Variants in MB21D2 observed in about 807,000 individuals in gnomAD.
MB21D2 encodes nucleotidyltransferase MB21D2.
Under a neutral mutation model 33.3 loss-of-function variants are expected in MB21D2, and 9 were observed. The observed-to-expected ratio is 0.27, with a 90% confidence interval of 0.16 to 0.47. The LOEUF (loss-of-function observed/expected upper bound fraction) is 0.47. Among genes scored for constraint, MB21D2 ranks in the 20% least tolerant of loss-of-function variants. The pLI, the probability that MB21D2 is intolerant of heterozygous loss-of-function variation, is 0.99. For synonymous variants in MB21D2, 241 were observed against 236.3 expected, an observed-to-expected ratio of 1.02 and a Z score of -0.18; for missense variants, 540 against 624.6, an observed-to-expected ratio of 0.86 and a Z score of 1.44.
At chr3:192,859,701 A>G (rs1346059766) in intron 1 of MB21D2, among the ~76,000 whole-genome samples, 2 of 152,238 alleles carry the variant, frequency 1.3e-5, no homozygotes, top group Non-Finnish European at 2.9e-5. Context: ...ACAAATGAAT[A>G]AAAGCAGAAA....
rs1720584650 is a variant in MB21D2, at chr3:192,798,943, T to G, written c.919A>C (p.Met307Leu). ...GCTTTGCAGGCCTGATAGGCCTGCA[T>G]GAGGCTGCTGGAGATGCACTTCTTC... ...QLKKCISSSL[M>L]QAYQACKAII... The change falls in exon 2 of 2, where the codon ATG becomes CTG. Residue 307 changes from methionine (M) to leucine (L), a missense_variant. Met to Leu is a conservative substitution (Grantham distance 15). Coordinates refer to ENST00000392452, the MANE Select transcript of MB21D2 (RefSeq NM_178496.4). The surrounding 1 kb of genome is among the most constrained non-coding windows in gnomAD (Gnocchi z 4.8). 1 of 1,613,998 alleles carries G rather than the reference T, an allele frequency of 6.2e-7. No homozygotes were observed. Among genetic ancestry groups the G allele is most frequent in the Non-Finnish European group, 8.5e-7 (1 of 1,179,944 alleles).
At chr3:192,827,214 G>A (rs1030566591) in intron 1 of MB21D2, among the ~76,000 whole-genome samples, 2 of 152,108 alleles carry the variant, frequency 1.3e-5, no homozygotes, top group African/African-American at 4.8e-5. Flanking sequence ...TTCTTAAAGG[G>A]CAAAAAGTAT....
At chr3:192,819,980 A>G (rs1372880076) in intron 1 of MB21D2, among the ~76,000 whole-genome samples, 1 of 152,182 alleles carries the variant, frequency 6.6e-6, no homozygotes, top group Non-Finnish European at 1.5e-5. Context: ...ACAAGGGGGT[A>G]GGGGAATCAG....
intron 1 of MB21D2, among the ~76,000 whole-genome samples, chr3:192,874,908 C>G (rs1713394915): frequency 6.6e-6 from 1 of 152,154 alleles, no homozygotes; most frequent in African/African-American, 2.4e-5. Flanking sequence ...AAATCTCCCC[C>G]TCCCCTGGCT....
intron 1 of MB21D2, among the ~76,000 whole-genome samples, chr3:192,911,635 G>GCC (rs1714356497): frequency 6.6e-6 from 1 of 151,888 alleles, no homozygotes; most frequent in Non-Finnish European, 1.5e-5. Context: ...TTAAAAAGGG[G>GCC]CTCAGCCTAA....
chr3:192,877,717 A>G (rs1389178178), intron 1 of MB21D2, among the ~76,000 whole-genome samples: 1 of 152,164 alleles, frequency 6.6e-6, no homozygotes, highest in South Asian at 2.1e-4. Flanking sequence ...CTCCTATCCA[A>G]CGTGTCTTTA....
chr3:192,844,567 G>A (rs1712641776), intron 1 of MB21D2, among the ~76,000 whole-genome samples: 1 of 152,310 alleles, frequency 6.6e-6, no homozygotes, highest in African/African-American at 2.4e-5. Context: ...CCACTTCTGT[G>A]TACAAGCACA....
At chr3:192,834,420 T>C in intron 1 of MB21D2, among the ~76,000 whole-genome samples, 1 of 72,468 alleles carries the variant, frequency 1.4e-5, no homozygotes, top group Admixed American at 1.2e-4. Context: ...CCCAGTTATA[T>C]CAAAAAAAAA....
intron 1 of MB21D2, among the ~76,000 whole-genome samples, chr3:192,825,323 G>T (rs953992320): frequency 2.6e-5 from 4 of 152,264 alleles, no homozygotes; most frequent in African/African-American, 9.6e-5. Flanking sequence ...CAGAGGCCTG[G>T]ATAAATGTGT....
rs764289489 is a variant in MB21D2, at chr3:192,799,274, T to C, written c.588A>G (p.Leu196=). Reference sequence around the variant, plus strand: ...GCTGGGGTTTCTTCTGTATTTCTGATAGGACAATGCTGATAGAGTCATAGA... The same window carrying C: ...GCTGGGGTTTCTTCTGTATTTCTGACAGGACAATGCTGATAGAGTCATAGA... ...DWFYDSISIV[L]SEIQKKPQRG... Residue 196 remains leucine, a synonymous_variant, in exon 2 of 2, where the codon CTA becomes CTG. Transcript: ENST00000392452. This position sits in a 1 kb window ranked among gnomAD's most constrained non-coding sequence, Gnocchi z 4.1. 5.6e-6 allele frequency: 9 copies of C among 1,614,108 alleles called. No homozygotes were observed. The highest frequency in any genetic ancestry group is 1.7e-5 in the Admixed American group (1 of 60,012).
chr3:192,825,427 A>C (rs1486012122), intron 1 of MB21D2, among the ~76,000 whole-genome samples: 1 of 152,220 alleles, frequency 6.6e-6, no homozygotes, highest in Non-Finnish European at 1.5e-5. Context: ...CATCTAGTCC[A>C]ATTCCCTCAT....
At chr3:192,903,739 C>T (rs886115517) in intron 1 of MB21D2, among the ~76,000 whole-genome samples, 2 of 152,186 alleles carry the variant, frequency 1.3e-5, no homozygotes, top group African/African-American at 4.8e-5. Context: ...GGGGCAGATC[C>T]CCCATGAATG....
chr3:192,911,966 A>G (rs2108656624), intron 1 of MB21D2, among the ~76,000 whole-genome samples: 1 of 152,190 alleles, frequency 6.6e-6, no homozygotes, highest in East Asian at 1.9e-4. Context: ...CGCACCATAA[A>G]TTTCCATGGT....
intron 1 of MB21D2, among the ~76,000 whole-genome samples, chr3:192,909,975 A>T: frequency 6.9e-6 from 1 of 145,156 alleles, no homozygotes; most frequent in Admixed American, 6.8e-5. Context: ...AAAGAGAGAG[A>T]GAGAGAGAAA....
At chr3:192,914,703 C>T (rs9291034) in intron 1 of MB21D2, among the ~76,000 whole-genome samples, 49,463 of 151,848 alleles carry the variant, frequency 0.33, 10,010 homozygotes, top group South Asian at 0.45. Flanking sequence ...GCAGCTAACA[C>T]CTGCCTCCAA....
intron 1 of MB21D2, among the ~76,000 whole-genome samples, chr3:192,889,397 G>C (rs1713803449): frequency 6.6e-6 from 1 of 152,124 alleles, no homozygotes; most frequent in Non-Finnish European, 1.5e-5. Flanking sequence ...TGGCAGAAAA[G>C]AATTCAATGG....
intron 1 of MB21D2, among the ~76,000 whole-genome samples, chr3:192,870,346 A>G (rs1248510072): frequency 6.6e-6 from 1 of 152,164 alleles, no homozygotes; most frequent in Admixed American, 6.5e-5. Context: ...ACGACGAGTG[A>G]GCACATTGGA....
intron 1 of MB21D2, among the ~76,000 whole-genome samples, chr3:192,870,957 T>C (rs2108637727): frequency 1.3e-5 from 2 of 152,272 alleles, no homozygotes; most frequent in Middle Eastern, 6.8e-3. Context: ...TCAGAGCAAA[T>C]GTTGGATGCA....
At chr3:192,854,494 G>A (rs557304024) in intron 1 of MB21D2, among the ~76,000 whole-genome samples, 1 of 152,218 alleles carries the variant, frequency 6.6e-6, no homozygotes, top group Non-Finnish European at 1.5e-5. Context: ...GAAGTGCAAA[G>A]TGAAGTCACC....
Sources: gnomAD v4.1 joint callset for allele counts (sites outside exome capture counted in the v4.1 genomes callset) on GRCh38, gnomAD v4.1.1 for gene constraint, Gnocchi (gnomAD v3.1) non-coding constraint, MANE v1.5 for transcripts, NCBI Gene and HGNC (gene_info 2026-07-23, HGNC 2026-07-21) for gene names.